The following AGMO variants were observed in gnomAD, a reference collection of about 807,000 sequenced individuals.
AGMO encodes alkylglycerol monooxygenase.
A neutral mutation model predicts 60.2 loss-of-function variants in AGMO; 75 were observed. The observed-to-expected ratio is 1.25, with a 90% CI of 1.03 to 1.51. The LOEUF (loss-of-function observed/expected upper bound fraction) is 1.51, where lower values mean the gene tolerates loss of function less well. Among genes scored for constraint, AGMO ranks in the 40% most tolerant of loss-of-function variants. The probability of loss-of-function intolerance (pLI) is 0.00; values close to 1 mark genes in which losing one functional copy is unlikely to be tolerated. For synonymous variants in AGMO, 261 were observed against 177.1 expected (o/e 1.47, Z -3.76); for missense variants, 763 against 525.5 (o/e 1.45, Z -4.42).
the AGMO span, among the ~76,000 whole-genome samples, chr7:15,164,137 T>C: frequency 6.7e-4 from 102 of 152,114 alleles, no homozygotes; most frequent in African/African-American, 2.3e-3. Context: ...AACGAAAATA[T>C]AGAATGGGGA....
At chr7:15,366,698 TA>T (rs1782997714) in intron 10 of AGMO, among the ~76,000 whole-genome samples, 1 of 152,082 alleles carries the variant, frequency 6.6e-6, no homozygotes, top group African/African-American at 2.4e-5. Context: ...ATTACACATA[TA>T]CACTCATATT....
chr7:15,392,692 G>A (rs531954135), intron 6 of AGMO, among the ~76,000 whole-genome samples: 2 of 152,118 alleles, frequency 1.3e-5, no homozygotes, highest in Admixed American at 1.3e-4. Flanking sequence ...CAAGTTACTT[G>A]GGAGGCTGCA....
At chr7:15,428,722 T>A (rs147197139) in intron 4 of AGMO, among the ~76,000 whole-genome samples, 1 of 152,272 alleles carries the variant, frequency 6.6e-6, no homozygotes, top group African/African-American at 2.4e-5. Context: ...GATGCTCTGA[T>A]AATTTTTCCC....
At chr7:15,255,105 A>G (rs541682306) in intron 12 of AGMO, among the ~76,000 whole-genome samples, 3 of 152,190 alleles carry the variant, frequency 2.0e-5, no homozygotes, top group South Asian at 4.1e-4. Context: ...AACTATCACA[A>G]GAACAGAAAA....
intron 3 of AGMO, among the ~76,000 whole-genome samples, chr7:15,507,647 A>T (rs1463080491): frequency 6.6e-6 from 1 of 152,178 alleles, no homozygotes; most frequent in Admixed American, 6.6e-5. Context: ...TTAAAAACTA[A>T]GCCACAAGAA....
chr7:15,450,425 A>G (rs1164888897), intron 3 of AGMO, among the ~76,000 whole-genome samples: 1 of 151,966 alleles, frequency 6.6e-6, no homozygotes, highest in Non-Finnish European at 1.5e-5. Context: ...ATCTCAAAAA[A>G]AAAAAAAAGA....
At chr7:15,290,031 GAT>G (rs1491535413) in intron 12 of AGMO, among the ~76,000 whole-genome samples, 1 of 65,658 alleles carries the variant, frequency 1.5e-5, no homozygotes, top group South Asian at 5.0e-4. Context: ...ACCTTAAGTT[GAT>G]TTTTTTTTTT....
At chr7:15,325,126 A>T (rs916078725) in intron 12 of AGMO, among the ~76,000 whole-genome samples, 6 of 152,190 alleles carry the variant, frequency 3.9e-5, no homozygotes, top group African/African-American at 1.4e-4. Context: ...AACTTTGTTT[A>T]TTATACCTGA....
At chr7:15,307,536 C>G (rs1366638856) in intron 12 of AGMO, among the ~76,000 whole-genome samples, 1 of 149,506 alleles carries the variant, frequency 6.7e-6, no homozygotes, top group Non-Finnish European at 1.5e-5. Context: ...TTTTTTTTTT[C>G]TTATGAAGCC....
At chr7:15,353,580 T>C (rs931563636) in intron 12 of AGMO, among the ~76,000 whole-genome samples, 1 of 152,216 alleles carries the variant, frequency 6.6e-6, no homozygotes, top group Non-Finnish European at 1.5e-5. Flanking sequence ...TTTAAAATAC[T>C]TTTTTAAAAA....
Position 15,365,494 on chromosome 7 carries a change from T to C in AGMO, c.1263+20A>G, listed in dbSNP as rs552989920. ...CGATAGGTATACGCCATCCTGTGGC[T>C]ACCTAAACAAATGTCTTACCTCAAA... On this transcript the variant is annotated intron_variant, in intron 12 of 12. Coordinates refer to ENST00000342526, the MANE Select transcript of AGMO (RefSeq NM_001004320.2). 5.8e-6 allele frequency: 9 copies of C among 1,559,438 alleles called. No individual in the cohort carries two copies. Among genetic ancestry groups the C allele is most frequent in the Non-Finnish European group, 7.9e-6 (9 of 1,132,950 alleles).
chr7:15,374,524 G>C (rs1317766884), intron 10 of AGMO, among the ~76,000 whole-genome samples: 1 of 151,918 alleles, frequency 6.6e-6, no homozygotes, highest in African/African-American at 2.4e-5. Flanking sequence ...TTGACACTAT[G>C]GTTCTACTCC....
chr7:15,561,967 A>G lies in AGMO; in HGVS notation c.-122T>C. The G allele has an allele frequency of 9.6e-7, 1 of 1,042,088 alleles. No individual in the cohort carries two copies. The allele number at this position is 1,042,088 out of a possible 1,614,324, so 64.6% of individuals were successfully genotyped here. A position where few individuals can be genotyped will look rare whatever the true frequency, so the allele number is the denominator to read the frequency against. On this transcript the variant is annotated 5_prime_UTR_variant, in exon 1 of 13. Transcript: ENST00000342526. Reference sequence around the variant, plus strand: ...AGCTCTTTGTCAGAGAACAGCTAAAACCAAAGCTCCACTGAGAGCACACTC... The same window carrying G: ...AGCTCTTTGTCAGAGAACAGCTAAAGCCAAAGCTCCACTGAGAGCACACTC...
the AGMO span, among the ~76,000 whole-genome samples, chr7:15,122,309 C>G: frequency 6.6e-6 from 1 of 152,110 alleles, no homozygotes; most frequent in Non-Finnish European, 1.5e-5. Context: ...TTCCCAACCC[C>G]TTAATGTCAG....
At chr7:15,322,485 T>A (rs1292501868) in intron 12 of AGMO, among the ~76,000 whole-genome samples, 4 of 90,804 alleles carry the variant, frequency 4.4e-5, no homozygotes, top group African/African-American at 1.4e-4. Context: ...AATATATATA[T>A]AAATATATAT....
At chr7:15,301,074 CTATATT>C (rs1210951986) in intron 12 of AGMO, among the ~76,000 whole-genome samples, 3 of 152,050 alleles carry the variant, frequency 2.0e-5, no homozygotes, top group Admixed American at 6.6e-5. Context: ...GAAATCTTTT[CTATATT>C]TATATTATTT....
chr7:15,330,421 A>C (rs1781464301), intron 12 of AGMO, among the ~76,000 whole-genome samples: 1 of 152,182 alleles, frequency 6.6e-6, no homozygotes, highest in South Asian at 2.1e-4. Context: ...TTCTCTGCTA[A>C]TTTCACTGTC....
At chr7:15,397,488 C>T (rs939152389) in intron 5 of AGMO, among the ~76,000 whole-genome samples, 1 of 152,156 alleles carries the variant, frequency 6.6e-6, no homozygotes, top group African/African-American at 2.4e-5. Context: ...TCCTCGAGCG[C>T]GGCCAGAGCT....
chr7:15,382,632 T>C (rs1783736898), intron 10 of AGMO, among the ~76,000 whole-genome samples: 1 of 152,200 alleles, frequency 6.6e-6, no homozygotes, highest in Non-Finnish European at 1.5e-5. Context: ...GTTATTGCAA[T>C]TATTTTATGA....
Sources: allele counts gnomAD v4.1 joint callset (sites outside exome capture counted in the v4.1 genomes callset), GRCh38; gene constraint gnomAD v4.1.1; transcripts MANE v1.5; gene names NCBI Gene and HGNC (gene_info 2026-07-23, HGNC 2026-07-21).